The following SERHL2 variants were observed in gnomAD, a reference collection of about 807,000 sequenced individuals.
SERHL2 encodes serine hydrolase like 2.
In SERHL2, 29 loss-of-function variants were observed where a neutral mutation model predicts 25.5. The observed-to-expected ratio is 1.14, with a 90% CI of 0.85 to 1.55. SERHL2 has a LOEUF of 1.55. SERHL2 is among the 40% of genes most tolerant of loss of function. The pLI, the probability that SERHL2 is intolerant of heterozygous loss-of-function variation, is 0.00. For synonymous variants in SERHL2, 95 were observed against 103.5 expected (o/e 0.92, Z 0.50); for missense variants, 240 against 252.3 (o/e 0.95, Z 0.33).
In SERHL2 at chr22:42,572,491, T is replaced by C. The variant is rs1184134478; in HGVS notation, c.787T>C (p.Ser263Pro). 1 of 1,612,010 alleles carries C rather than the reference T, an allele frequency of 6.2e-7. No individual in the cohort carries two copies. Among genetic ancestry groups the C allele is most frequent in the African/African-American group, 1.3e-5 (1 of 74,932 alleles). The change falls in exon 11 of 12, where the codon TCG becomes CCG. Residue 263 changes from serine to proline, a missense_variant. Coordinates refer to ENST00000327678, the MANE Select transcript of SERHL2 (RefSeq NM_014509.5). ...RQNYSEKESL[S>P]FMIDTMKSTL... The stretch of plus-strand genomic sequence containing the variant: ...GAATTACTCTGAGAAGGAGTCCCTG[T>C]CGTTCATGATAGACACGATGAAATC...
chr22:42,570,804 G>T (rs1046410), intron 9 of SERHL2, among the ~76,000 whole-genome samples: 1 of 152,006 alleles, frequency 6.6e-6, no homozygotes, highest in Admixed American at 6.5e-5. Flanking sequence ...TCCAGGCCCA[G>T]AAGTGGCCCA....
Position 42,574,273 on chromosome 22 carries a change from T to C in SERHL2, c.*218T>C. ...TCTGGGTTCCAGGGCTGCTTTCTCC[T>C]GGCTAATAATAAATATCCAGCCAGC... On this transcript the variant is annotated 3_prime_UTR_variant, in exon 12 of 12. Transcript: ENST00000327678. The C allele has an allele frequency of 1.8e-6, 1 of 566,606 alleles. No homozygotes were observed. Among genetic ancestry groups the C allele is most frequent in the Non-Finnish European group, 3.1e-6 (1 of 322,204 alleles). The allele number at this position is 566,606 out of a possible 1,614,324, so 35.1% of individuals were successfully genotyped here. A position where few individuals can be genotyped will look rare whatever the true frequency, so the allele number is the denominator to read the frequency against.
rs776112980 is a variant in SERHL2 at position 42,571,163 on chromosome 22, C to A, written c.691C>A (p.His231Asn). The change falls in exon 10 of 12, where the codon CAT becomes AAT. Residue 231 changes from histidine to asparagine, a missense_variant. By Grantham distance (68) the His-to-Asn change is moderately conservative. This residue lies in a region of SERHL2 where 212 missense variants were observed against 168.9 expected (regional missense o/e 1.25). Transcript: ENST00000327678. The part of the protein sequence containing the change: ...IDFISRELCA[H>N]SIRKLQAHVL... The stretch of plus-strand genomic sequence containing the variant: ...CTTCATCAGCAGGGAGCTGTGTGCG[C>A]ATTCCATCAGGAAGCTGCAGGCCCA... 2.5e-6 allele frequency: 4 copies of A among 1,613,476 alleles called. No individual in the cohort carries two copies. Among genetic ancestry groups the A allele is most frequent in the Non-Finnish European group, 3.4e-6 (4 of 1,179,666 alleles).
At chr22:42,563,277 C>T (rs1922924373) in intron 8 of SERHL2, 7 of 200,522 alleles carry the variant, frequency 3.5e-5, no homozygotes, top group South Asian at 3.2e-4. Flanking sequence ...GACCATGGCT[C>T]ACTGCAGCCT....
In SERHL2 at chr22:42,573,957, C is replaced by T. The variant is rs1312545071; in HGVS notation, c.847C>T (p.Pro283Ser). The T allele has an allele frequency of 6.2e-7, 1 of 1,609,438 alleles. No individual in the cohort carries two copies. Among genetic ancestry groups the T allele is most frequent in the Non-Finnish European group, 8.5e-7 (1 of 1,176,366 alleles). The change falls in exon 12 of 12, where the codon CCA (proline) becomes TCA (serine). Residue 283 changes from proline (P) to serine (S), a missense_variant. Physicochemically the swap from Pro to Ser is moderately conservative, Grantham distance 74. This residue lies in a region of SERHL2 where 212 missense variants were observed against 168.9 expected (regional missense o/e 1.25). Coordinates refer to ENST00000327678, the MANE Select transcript of SERHL2 (RefSeq NM_014509.5). Reference sequence around the variant, plus strand: ...CCAGCAGTTCCAGTTTGTGGAAGTCCCAGGCAATCACTGTGTCCACATGAG... The same window carrying T: ...CCAGCAGTTCCAGTTTGTGGAAGTCTCAGGCAATCACTGTGTCCACATGAG... ...LKEQFQFVEV[P>S]GNHCVHMSEP...
chr22:42,567,521 G>A (rs528555877), intron 9 of SERHL2, among the ~76,000 whole-genome samples: 7 of 151,074 alleles, frequency 4.6e-5, no homozygotes, highest in Admixed American at 1.3e-4. Context: ...AAAATTAGCC[G>A]GGCGCGGTGG....
In SERHL2 at chr22:42,574,134, G is replaced by A; in HGVS notation, c.*79G>A. The stretch of plus-strand genomic sequence containing the variant: ...CTGAGTTCCTGAGCCCCACAACAAG[G>A]CCAGGGATGGTGGGGACAGGCCTCA... On this transcript the variant is annotated 3_prime_UTR_variant, in exon 12 of 12. Transcript: ENST00000327678. 3.0e-6 allele frequency: 4 copies of A among 1,349,852 alleles called. No individual in the cohort carries two copies. In the South Asian group the frequency reaches 3.7e-5, roughly 13 times the overall value. The allele number at this position is 1,349,852 out of a possible 1,614,324, so 83.6% of individuals were successfully genotyped here. A position where few individuals can be genotyped will look rare whatever the true frequency, so the allele number is the denominator to read the frequency against.
At chr22:42,556,683 G>A (rs897109392) in intron 6 of SERHL2, 95 bp downstream of exon 6, 19 of 1,095,668 alleles carry the variant, frequency 1.7e-5, no homozygotes, top group Non-Finnish European at 2.5e-5. Flanking sequence ...CACTAGGGAA[G>A]CACGAGGAGG....
intron 9 of SERHL2, among the ~76,000 whole-genome samples, chr22:42,570,322 C>T (rs553251310): frequency 2.8e-4 from 42 of 152,136 alleles, no homozygotes; most frequent in African/African-American, 9.1e-4. Flanking sequence ...TAGGCTGAGG[C>T]AGGAGAATCG....
intron 7 of SERHL2, 92 bp from the exon 8 acceptor site, chr22:42,560,094 G>A: frequency 1.1e-6 from 1 of 929,470 alleles, no homozygotes; most frequent in Non-Finnish European, 1.8e-6. Flanking sequence ...TTACAGGCAT[G>A]AGCCACCGTC....
At chr22:42,566,492 G>A (rs1365175470) in intron 9 of SERHL2, among the ~76,000 whole-genome samples, 154 bp downstream of exon 9, 1 of 151,360 alleles carries the variant, frequency 6.6e-6, no homozygotes, top group Non-Finnish European at 1.5e-5. Context: ...GGAGGCAGAG[G>A]TTGCATTGAG....
chr22:42,573,874 G>A lies in SERHL2; in HGVS notation c.826-62G>A, dbSNP rs537821737. The A allele has an allele frequency of 5.8e-5, 89 of 1,543,340 alleles. 1 individual carries two copies. In the South Asian group the frequency reaches 9.5e-4, roughly 17 times the overall value. The stretch of plus-strand genomic sequence containing the variant: ...GCTGTGGGAGGGCCCTGACCCCGGG[G>A]CCCATGGAGCTCCCTAGGCTCCTCT... On this transcript the variant is annotated intron_variant, in intron 11 of 11. Transcript: ENST00000327678.
intron 7 of SERHL2, 105 bp from the exon 8 acceptor site, chr22:42,560,081 G>A: frequency 1.2e-6 from 1 of 820,296 alleles, no homozygotes; most frequent in Non-Finnish European, 2.1e-6. Context: ...CAAAGTGCTG[G>A]GATTACAGGC....
chr22:42,573,868 C>T, intron 11 of SERHL2, 68 bp from the exon 12 acceptor site: 2 of 1,518,644 alleles, frequency 1.3e-6, no homozygotes, highest in Non-Finnish European at 1.8e-6. Context: ...GGGCCCTGAC[C>T]CCGGGGCCCA....
Position 42,568,432 on chromosome 22 carries a change from A to G in SERHL2, c.648+2094A>G, listed in dbSNP as rs190290472. Reference sequence around the variant, plus strand: ...CCTTGTGTGTGCTGACCTTCGTGGTAGGAATTTATTGCCAGATCCTAGTCA... The same window carrying G: ...CCTTGTGTGTGCTGACCTTCGTGGTGGGAATTTATTGCCAGATCCTAGTCA... On this transcript the variant is annotated intron_variant, in intron 9 of 11. Transcript: ENST00000327678. Among the ~76,000 whole-genome samples the G allele has an allele frequency of 2.4e-3, 371 of 151,492 alleles. 6 individuals carry two copies. Among genetic ancestry groups the G allele is most frequent in the Middle Eastern group, 0.017 (5 of 292 alleles).
intron 8 of SERHL2, chr22:42,563,548 C>G: frequency 3.5e-6 from 1 of 286,382 alleles, no homozygotes; most frequent in Admixed American, 4.4e-5. Context: ...CCCCTGAAGC[C>G]CCGTGCTGTG....
chr22:42,566,068 G>C (rs1367325759), intron 8 of SERHL2, among the ~76,000 whole-genome samples: 1 of 152,098 alleles, frequency 6.6e-6, no homozygotes, highest in Non-Finnish European at 1.5e-5. Flanking sequence ...CCGGCCCTTT[G>C]GGGTGGCCGG....
chr22:42,554,197 C>A, intron 1 of SERHL2, 155 bp downstream of exon 1: 4 of 948,566 alleles, frequency 4.2e-6, no homozygotes, highest in Non-Finnish European at 6.3e-6. Flanking sequence ...GAGAGCGCGA[C>A]CGGCCAGGAG....
intron 1 of SERHL2, among the ~76,000 whole-genome samples, 194 bp from the exon 2 acceptor site, chr22:42,554,744 T>C (rs1922016786): frequency 6.7e-6 from 1 of 149,646 alleles, no homozygotes; most frequent in Non-Finnish European, 1.5e-5. Flanking sequence ...GCTTAACTTC[T>C]CTGTCCCTCC....
Sources: gnomAD v4.1 joint callset for allele counts (sites outside exome capture counted in the v4.1 genomes callset) on GRCh38, gnomAD v4.1.1 for gene constraint, gnomAD v4.1.1 regional missense constraint, MANE v1.5 for transcripts, NCBI Gene and HGNC (gene_info 2026-07-23, HGNC 2026-07-21) for gene names.